Variants in HECW2 observed in about 807,000 individuals in gnomAD.
The protein encoded by HECW2 is E3 ubiquitin-protein ligase HECW2.
HECW2 carries 61 observed loss-of-function variants against 175.2 expected under a neutral mutation model. That is an observed-to-expected ratio of 0.35 (90% CI 0.28 to 0.43). The LOEUF (loss-of-function observed/expected upper bound fraction) is 0.43. Among genes scored for constraint, HECW2 ranks in the 20% least tolerant of loss-of-function variants. HECW2 has a pLI of 1.00. For missense variants in HECW2, 1,524 were observed against 2,000.5 expected, an observed-to-expected ratio of 0.76 and a Z score of 4.54; for synonymous variants, 671 against 731.0, an observed-to-expected ratio of 0.92 and a Z score of 1.32.
At position 196,322,553 on chromosome 2, in the gene HECW2, C is replaced by T; in HGVS notation, c.809G>A (p.Ser270Asn). The change falls in exon 7 of 29, where the codon AGC (serine) becomes AAC (asparagine). Residue 270 changes from serine (S) to asparagine (N), a missense_variant. This residue lies in a region of HECW2 where 95 missense variants were observed against 136.8 expected (regional missense o/e 0.69). Coordinates refer to ENST00000644978, the MANE Select transcript of HECW2 (RefSeq NM_001348768.2). ...EIEIKDKFAK[S>N]RPIIKRFLGK... ...CAGAAAACGCTTGATGATGGGACGG[C>T]TCTTGGCAAATTTGTCTTTAATTTC... 1 of 1,613,818 alleles carries T rather than the reference C, an allele frequency of 6.2e-7. No homozygotes were observed.
At chr2:196,428,432 A>C (rs1438811627) in intron 2 of HECW2, among the ~76,000 whole-genome samples, 1 of 152,194 alleles carries the variant, frequency 6.6e-6, no homozygotes, top group African/African-American at 2.4e-5. Flanking sequence ...TAAATTTGTG[A>C]CTTAACCTGA....
rs1686615129 is a variant in HECW2 at position 196,194,096 on chromosome 2, T to C, written c.*7181A>G. 6.6e-6 allele frequency: 1 copy of C among 152,204 alleles called. No individual in the cohort carries two copies. Among genetic ancestry groups the C allele is most frequent in the Admixed American group, 6.5e-5 (1 of 15,286 alleles). 9.4% of individuals were successfully genotyped at this position (152,204 alleles called of 1,614,324 possible). ...GTGAGTTAAGAAATTATGATTTGTA[T>C]TATAATTCATTCCTTTAACATTAAC... On this transcript the variant is annotated 3_prime_UTR_variant, in exon 29 of 29. Transcript: ENST00000644978.
intron 1 of HECW2, among the ~76,000 whole-genome samples, chr2:196,445,023 C>G (rs955856154): frequency 1.3e-5 from 2 of 152,168 alleles, no homozygotes; most frequent in Non-Finnish European, 2.9e-5. Context: ...ATCTTCAAGA[C>G]CTAAAGAACA....
At chr2:196,496,947 GA>G (rs949018249) in intron 1 of HECW2, among the ~76,000 whole-genome samples, 37 of 152,056 alleles carry the variant, frequency 2.4e-4, no homozygotes, top group African/African-American at 8.7e-4. Context: ...AAACTAGGGG[GA>G]AAAATGAGTA....
At chr2:196,265,306 G>A (rs1440225837) in intron 17 of HECW2, among the ~76,000 whole-genome samples, 2 of 152,194 alleles carry the variant, frequency 1.3e-5, no homozygotes, top group Non-Finnish European at 2.9e-5. Context: ...CCAACATGGT[G>A]AAACCCCATC....
rs1221627667 is a variant in HECW2 at position 196,333,116 on chromosome 2, T to A, written c.495+1308A>T. Reference sequence around the variant, plus strand: ...ACCTTCAGGTAAGCCTTCCAGGAATTTCCTGATCAGGACAAATCCTACTAC... The same window carrying A: ...ACCTTCAGGTAAGCCTTCCAGGAATATCCTGATCAGGACAAATCCTACTAC... On this transcript the variant is annotated intron_variant, in intron 4 of 28. Transcript: ENST00000644978. 3.9e-5 allele frequency among the ~76,000 whole-genome samples: 6 copies of A among 152,112 alleles called. No individual in the cohort carries two copies. In the East Asian group the frequency reaches 1.2e-3, roughly 29 times the overall value.
chr2:196,261,887 T>A (rs1689308175), intron 17 of HECW2, among the ~76,000 whole-genome samples: 1 of 152,236 alleles, frequency 6.6e-6, no homozygotes, highest in Admixed American at 6.5e-5. Flanking sequence ...AAATAACAGA[T>A]GTGACTCTTA....
At chr2:196,497,600 G>A (rs1386009901) in intron 1 of HECW2, among the ~76,000 whole-genome samples, 1 of 152,138 alleles carries the variant, frequency 6.6e-6, no homozygotes, top group African/African-American at 2.4e-5. Context: ...CTTCTCCTAT[G>A]TTCCTGTCTC....
chr2:196,278,438 G>T, intron 15 of HECW2, 90 bp downstream of exon 15: 68 of 1,246,622 alleles, frequency 5.5e-5, no homozygotes, highest in Non-Finnish European at 6.8e-5. Context: ...AAGAAAAAAT[G>T]CTTTAAAAAA....
intron 1 of HECW2, among the ~76,000 whole-genome samples, chr2:196,440,237 C>T (rs1696000228): frequency 6.6e-6 from 1 of 152,042 alleles, no homozygotes; most frequent in African/African-American, 2.4e-5. Flanking sequence ...ATTGACTATG[C>T]CAATATATCC....
chr2:196,426,533 C>T (rs1241406260), intron 2 of HECW2, among the ~76,000 whole-genome samples: 1 of 151,772 alleles, frequency 6.6e-6, no homozygotes, highest in East Asian at 1.9e-4. Flanking sequence ...ACCTGTTGGA[C>T]ATTTGCTTGT....
At chr2:196,435,587 AATAAC>A (rs762440722) in intron 1 of HECW2, among the ~76,000 whole-genome samples, 33 of 152,392 alleles carry the variant, frequency 2.2e-4, no homozygotes, top group Non-Finnish European at 2.9e-4. Flanking sequence ...AAAAAAGTGA[AATAAC>A]ATGTATGTAT....
chr2:196,430,820 A>G (rs1221670379), intron 2 of HECW2, among the ~76,000 whole-genome samples: 1 of 152,306 alleles, frequency 6.6e-6, no homozygotes, highest in East Asian at 1.9e-4. Flanking sequence ...TGATTCTAAC[A>G]TATGCATAAC....
intron 2 of HECW2, among the ~76,000 whole-genome samples, chr2:196,383,387 T>A (rs956659944): frequency 6.6e-6 from 1 of 152,146 alleles, no homozygotes; most frequent in African/African-American, 2.4e-5. Context: ...GTATAGGTAT[T>A]GGCTGAATCC....
intron 28 of HECW2, among the ~76,000 whole-genome samples, chr2:196,212,234 A>G (rs2105791037): frequency 6.6e-6 from 1 of 152,022 alleles, no homozygotes; most frequent in Non-Finnish European, 1.5e-5. Flanking sequence ...GTACTTGTGC[A>G]AGTTTGTTAT....
chr2:196,593,148 AGCTCTCGAGGCG>A (rs1369065746), intron 1 of HECW2, among the ~76,000 whole-genome samples: 1 of 150,812 alleles, frequency 6.6e-6, no homozygotes, highest in Non-Finnish European at 1.5e-5. Flanking sequence ...CGACACCCAG[AGCTCTCGAGGCG>A]GCTCCGCGCC....
intron 2 of HECW2, among the ~76,000 whole-genome samples, chr2:196,394,755 A>C (rs1694613430): frequency 6.6e-6 from 1 of 152,250 alleles, no homozygotes; most frequent in African/African-American, 2.4e-5. Context: ...GGAAAAGGAC[A>C]ATCTTTTGAA....
At chr2:196,580,288 T>A (rs1425050953) in intron 1 of HECW2, among the ~76,000 whole-genome samples, 1 of 150,644 alleles carries the variant, frequency 6.6e-6, no homozygotes, top group African/African-American at 2.5e-5. Flanking sequence ...ACAAGGACAG[T>A]TATAACACCA....
At chr2:196,464,535 C>T (rs145548632) in intron 1 of HECW2, among the ~76,000 whole-genome samples, 1,747 of 152,126 alleles carry the variant, frequency 0.011, 38 homozygotes, top group African/African-American at 0.04. Context: ...AGGGGAAAAG[C>T]CAAAGGAAAA....
Sources: gnomAD v4.1 joint callset for allele counts (sites outside exome capture counted in the v4.1 genomes callset) on GRCh38, gnomAD v4.1.1 for gene constraint, gnomAD v4.1.1 regional missense constraint, MANE v1.5 for transcripts, NCBI Gene and HGNC (gene_info 2026-07-23, HGNC 2026-07-21) for gene names.